The following TRPV1 variants were observed in gnomAD, a reference collection of about 807,000 sequenced individuals.
TRPV1 encodes the protein OTRPC1.
TRPV1 carries 82 observed loss-of-function variants against 82.3 expected under a neutral mutation model. That is an observed-to-expected ratio of 1.00 (90% CI 0.83 to 1.20). The LOEUF is 1.20. Among genes scored for constraint, TRPV1 ranks in the 50% most tolerant of loss-of-function variants. TRPV1 has a pLI of 0.00. For missense variants in TRPV1, 1,067 were observed against 1,096.8 expected (o/e 0.97, Z 0.38); for synonymous variants, 515 against 467.7 (o/e 1.10, Z -1.30).
intron 7 of TRPV1, 92 bp downstream of exon 7, chr17:3,589,715 T>C: frequency 7.0e-7 from 1 of 1,431,930 alleles, no homozygotes; most frequent in South Asian, 1.4e-5. Context: ...CACACACAGA[T>C]AGCGACGCCA....
intron 2 of TRPV1, chr17:3,595,876 T>C (rs1395691122): frequency 6.6e-6 from 1 of 152,102 alleles, no homozygotes; most frequent in African/African-American, 2.4e-5. Context: ...GGGAACGGGG[T>C]GGGACAGGAA....
At position 3,589,802 on chromosome 17, in the gene TRPV1, C is replaced by T. The variant is rs55996937; in HGVS notation, c.1044+5G>A. ...GCACCAGCCTGAGCCGAAGCCCCCT[C>T]TTACCCCGATCTTCCCGGTCCCAGC... On this transcript the variant is annotated splice_donor_5th_base_variant and intron_variant, in intron 7 of 16. Transcript: ENST00000572705. The T allele has an allele frequency of 1.9e-6, 3 of 1,607,336 alleles. No homozygotes were observed. The highest frequency in any genetic ancestry group is 2.6e-6 in the Non-Finnish European group (3 of 1,176,430).
At chr17:3,585,650 G>A in intron 9 of TRPV1, 118 bp downstream of exon 9, 1 of 1,272,740 alleles carries the variant, frequency 7.9e-7, no homozygotes, top group East Asian at 2.5e-5. Context: ...GCTCCCGCAA[G>A]CTGGGAAGGA....
intron 8 of TRPV1, 114 bp downstream of exon 8, chr17:3,588,074 G>A (rs961298709): frequency 2.1e-5 from 27 of 1,277,160 alleles, no homozygotes; most frequent in South Asian, 2.0e-4. Context: ...GCCTGGGCCC[G>A]GGCGCAGCAG....
chr17:3,592,645 T>A, intron 2 of TRPV1: 1 of 458,314 alleles, frequency 2.2e-6, no homozygotes, highest in Non-Finnish European at 4.0e-6. Context: ...GGCCCCCGGC[T>A]CAGAGCCATC....
intron 16 of TRPV1, 21 bp from the exon 17 acceptor site, chr17:3,567,008 T>C (rs1234955830): frequency 6.2e-7 from 1 of 1,610,904 alleles, no homozygotes; most frequent in East Asian, 2.2e-5. Flanking sequence ...ACACTATTAC[T>C]ACCTTGGATG....
chr17:3,566,838 G>A lies in TRPV1; in HGVS notation c.2497C>T (p.Pro833Ser), dbSNP rs201663686. ...KPEDAEVFKS[P>S]AASGEK is the part of the protein sequence containing the mutation. ...CCTCACTTCTCCCCGGAAGCGGCAG[G>A]ACTCTTGAAGACCTCAGCGTCCTCT... Residue 833 changes from proline (P) to serine (S), a missense_variant, in exon 17 of 17, where the codon CCT becomes TCT. Coordinates refer to ENST00000572705, the MANE Select transcript of TRPV1 (RefSeq NM_080704.4). The A allele has an allele frequency of 6.8e-6, 11 of 1,613,946 alleles. No individual in the cohort carries two copies. The South Asian group carries it at 9.9e-5, about 14-fold the overall frequency.
chr17:3,595,161 C>G (rs1159837728), intron 2 of TRPV1, among the ~76,000 whole-genome samples: 4 of 152,174 alleles, frequency 2.6e-5, no homozygotes, highest in African/African-American at 9.7e-5. Flanking sequence ...ATCGTTGATG[C>G]GTCTGAGCAC....
chr17:3,607,728 GTT>G (rs201873683), intron 2 of TRPV1, among the ~76,000 whole-genome samples: 2,138 of 151,916 alleles, frequency 0.014, 41 homozygotes, highest in East Asian at 0.069. Flanking sequence ...GTAGAGACGA[GTT>G]TTCACCACGT....
Position 3,566,812 on chromosome 17 carries a change from T to A in TRPV1, c.*3A>T. On this transcript the variant is annotated 3_prime_UTR_variant, in exon 17 of 17. Coordinates refer to ENST00000572705, the MANE Select transcript of TRPV1 (RefSeq NM_080704.4). The stretch of plus-strand genomic sequence containing the variant: ...TGTTGACAGTGCTGTCTGCGTGACG[T>A]CCTCACTTCTCCCCGGAAGCGGCAG... 6.2e-7 allele frequency: 1 copy of A among 1,613,396 alleles called. No homozygotes were observed. The highest frequency in any genetic ancestry group is 8.5e-7 in the Non-Finnish European group (1 of 1,179,646).
intron 10 of TRPV1, among the ~76,000 whole-genome samples, chr17:3,580,743 AT>A (rs2074997328): frequency 6.6e-6 from 1 of 152,226 alleles, no homozygotes; most frequent in Admixed American, 6.5e-5. Context: ...GAAGCCGGGC[AT>A]GGTGGCTCAC....
intron 2 of TRPV1, among the ~76,000 whole-genome samples, chr17:3,604,921 C>T (rs1005212980): frequency 7.9e-5 from 12 of 152,180 alleles, no homozygotes; most frequent in African/African-American, 2.9e-4. Flanking sequence ...AGTCCAATCC[C>T]CTCAGGCGGG....
chr17:3,577,779 C>A lies in TRPV1; in HGVS notation c.1548-16G>T. On this transcript the variant is annotated splice_polypyrimidine_tract_variant and intron_variant, in intron 11 of 16. Coordinates refer to ENST00000572705, the MANE Select transcript of TRPV1 (RefSeq NM_080704.4). The stretch of plus-strand genomic sequence containing the variant: ...CTGCAGAAAGCTGCGGGTGGAGGGG[C>A]AGAAAGCTCCGTCTACGGGAACCCA... The A allele has an allele frequency of 6.3e-7, 1 of 1,582,028 alleles. No individual in the cohort carries two copies. The highest frequency in any genetic ancestry group is 8.6e-7 in the Non-Finnish European group (1 of 1,164,218).
chr17:3,596,311 C>G (rs756362231), intron 2 of TRPV1, among the ~76,000 whole-genome samples: 1 of 152,182 alleles, frequency 6.6e-6, no homozygotes, highest in Non-Finnish European at 1.5e-5. Context: ...ATCCATCCAT[C>G]CATCCATCCA....
At chr17:3,577,945 C>T in intron 11 of TRPV1, 182 bp from the exon 12 acceptor site, 1 of 591,940 alleles carries the variant, frequency 1.7e-6, no homozygotes. Flanking sequence ...CCCCAAGGAG[C>T]AGAAATTGGC....
chr17:3,590,821 C>T, intron 5 of TRPV1, 143 bp downstream of exon 5: 1 of 1,176,378 alleles, frequency 8.5e-7, no homozygotes, highest in Non-Finnish European at 1.2e-6. Flanking sequence ...AGGCAGGGAC[C>T]CCCTAGGATT....
At chr17:3,592,405 G>T (rs2075171633) in intron 2 of TRPV1, 22 bp from the exon 3 acceptor site, 2 of 1,524,430 alleles carry the variant, frequency 1.3e-6, no homozygotes, top group African/African-American at 1.4e-5. Context: ...ACCACGCCGG[G>T]GTTGACTCCC....
At chr17:3,606,119 C>T (rs199709329) in intron 2 of TRPV1, among the ~76,000 whole-genome samples, 1 of 152,058 alleles carries the variant, frequency 6.6e-6, no homozygotes, top group East Asian at 1.9e-4. Context: ...CCACCATGCC[C>T]GGCTAATTTT....
intron 10 of TRPV1, among the ~76,000 whole-genome samples, chr17:3,582,039 A>C (rs2075025036): frequency 6.9e-6 from 1 of 145,676 alleles, no homozygotes; most frequent in Non-Finnish European, 1.5e-5. Flanking sequence ...AAATACAAAA[A>C]ATTAGCCGGG....
Sources: gnomAD v4.1 joint callset for allele counts (sites outside exome capture counted in the v4.1 genomes callset) on GRCh38, gnomAD v4.1.1 for gene constraint, MANE v1.5 for transcripts, NCBI Gene and HGNC (gene_info 2026-07-23, HGNC 2026-07-21) for gene names.